Variants in OTUD7A observed in about 807,000 individuals in gnomAD.
OTUD7A encodes OTU deubiquitinase 7A.
A neutral mutation model predicts 65.7 loss-of-function variants in OTUD7A; 12 were observed. The ratio of observed to expected loss-of-function variants is 0.18; its 90% CI spans 0.12 to 0.30. The LOEUF (loss-of-function observed/expected upper bound fraction) is 0.30, where lower values mean the gene tolerates loss of function less well. Among genes scored for constraint, OTUD7A ranks in the 10% least tolerant of loss-of-function variants. The probability of loss-of-function intolerance (pLI) is 1.00; values close to 1 mark genes in which losing one functional copy is unlikely to be tolerated. For synonymous variants in OTUD7A, 641 were observed against 586.3 expected (o/e 1.09, Z -1.35); for missense variants, 1,148 against 1,304.8 (o/e 0.88, Z 1.85).
intron 6 of OTUD7A, among the ~76,000 whole-genome samples, chr15:31,528,021 C>T (rs1266967944): frequency 6.6e-6 from 1 of 152,262 alleles, no homozygotes; most frequent in African/African-American, 2.4e-5. Context: ...ATCCATCCAT[C>T]CATCCGTCCA....
chr15:31,756,271 C>T (rs965305741), intron 1 of OTUD7A, among the ~76,000 whole-genome samples: 1 of 152,138 alleles, frequency 6.6e-6, no homozygotes, highest in Non-Finnish European at 1.5e-5. Flanking sequence ...ACATTATTAC[C>T]ATTCATCATT....
intron 1 of OTUD7A, among the ~76,000 whole-genome samples, chr15:31,745,059 A>G (rs1430209356): frequency 6.6e-6 from 1 of 152,160 alleles, no homozygotes. Context: ...AGAAGACCTT[A>G]CAAAATAGAA....
chr15:31,541,542 G>C (rs1887987932), intron 5 of OTUD7A, among the ~76,000 whole-genome samples: 1 of 152,156 alleles, frequency 6.6e-6, no homozygotes, highest in Non-Finnish European at 1.5e-5. Context: ...AGATGAGCAG[G>C]AGGGCACAGA....
chr15:31,844,215 T>A (rs981743793), intron 1 of OTUD7A, among the ~76,000 whole-genome samples: 4 of 152,168 alleles, frequency 2.6e-5, no homozygotes, highest in Non-Finnish European at 4.4e-5. Flanking sequence ...GAATCAAGAA[T>A]CGCACACTGC....
At chr15:31,508,207 T>C (rs1445001110) in intron 8 of OTUD7A, among the ~76,000 whole-genome samples, 1 of 152,242 alleles carries the variant, frequency 6.6e-6, no homozygotes, top group Non-Finnish European at 1.5e-5. Context: ...TTGATTTTAG[T>C]ATAGTAACCT....
At chr15:31,765,979 T>G in intron 1 of OTUD7A, 1 of 1,490,654 alleles carries the variant, frequency 6.7e-7, no homozygotes, top group South Asian at 1.1e-5. Context: ...GAGGTAGAAA[T>G]TTTTTGCTCA....
chr15:31,627,382 T>C (rs1188165655), intron 3 of OTUD7A, among the ~76,000 whole-genome samples: 1 of 151,838 alleles, frequency 6.6e-6, no homozygotes, highest in Non-Finnish European at 1.5e-5. Context: ...AGAATGATGG[T>C]TTCCAGTTTC....
chr15:31,539,291 T>A (rs757307130), intron 5 of OTUD7A, among the ~76,000 whole-genome samples: 40 of 151,960 alleles, frequency 2.6e-4, no homozygotes, highest in Non-Finnish European at 5.6e-4. Flanking sequence ...CCCCTTCCTA[T>A]CCCTACAGAC....
At chr15:31,791,129 C>T (rs1382690417) in intron 1 of OTUD7A, among the ~76,000 whole-genome samples, 6 of 152,220 alleles carry the variant, frequency 3.9e-5, no homozygotes, top group South Asian at 4.2e-4. Flanking sequence ...TGGGTTCAAG[C>T]GATTCTCCTG....
At chr15:31,744,162 C>T (rs1248642299) in intron 1 of OTUD7A, among the ~76,000 whole-genome samples, 1 of 152,124 alleles carries the variant, frequency 6.6e-6, no homozygotes, top group African/African-American at 2.4e-5. Context: ...ACATAGATGA[C>T]TTCACTGGTG....
intron 1 of OTUD7A, among the ~76,000 whole-genome samples, chr15:31,666,947 C>G (rs1892337415): frequency 6.6e-6 from 1 of 152,108 alleles, no homozygotes; most frequent in Non-Finnish European, 1.5e-5. Flanking sequence ...TTTGAAGGTT[C>G]CTTTTGGAAT....
At chr15:31,779,666 G>A (rs1217162240) in intron 1 of OTUD7A, among the ~76,000 whole-genome samples, 1 of 152,082 alleles carries the variant, frequency 6.6e-6, no homozygotes, top group Non-Finnish European at 1.5e-5. Context: ...CACAGCTTCT[G>A]GCTCCTAGTG....
chr15:31,501,959 G>A, intron 9 of OTUD7A, 120 bp from the exon 10 acceptor site: 1 of 1,170,020 alleles, frequency 8.5e-7, no homozygotes, highest in African/African-American at 1.5e-5. Context: ...GGAGGGACAG[G>A]AGGGGTGGAT....
chr15:31,721,120 C>G (rs1893725911), intron 1 of OTUD7A, among the ~76,000 whole-genome samples: 1 of 152,234 alleles, frequency 6.6e-6, no homozygotes, highest in Non-Finnish European at 1.5e-5. Flanking sequence ...ACAAAATCAC[C>G]TAAACGTATT....
intron 1 of OTUD7A, among the ~76,000 whole-genome samples, chr15:31,802,101 ATATGTGTGTGTGTGTG>A (rs1237346298): frequency 2.6e-4 from 37 of 140,878 alleles, no homozygotes; most frequent in African/African-American, 8.8e-4. Flanking sequence ...GTGTGTGTAT[ATATGTGTGTGTGTGTG>A]TGTGTGTGTG....
chr15:31,703,732 G>A (rs1051754753), intron 1 of OTUD7A, among the ~76,000 whole-genome samples: 4 of 150,910 alleles, frequency 2.7e-5, no homozygotes, highest in African/African-American at 7.3e-5. Flanking sequence ...CTAGAGAAAT[G>A]GAGTCTTAAC....
intron 1 of OTUD7A, among the ~76,000 whole-genome samples, chr15:31,835,747 CAT>C (rs1897040474): frequency 1.3e-5 from 2 of 152,032 alleles, no homozygotes; most frequent in Non-Finnish European, 2.9e-5. Context: ...CATATATATA[CAT>C]ACACACATAC....
At chr15:31,756,684 A>G (rs934669868) in intron 1 of OTUD7A, among the ~76,000 whole-genome samples, 1 of 139,986 alleles carries the variant, frequency 7.1e-6, no homozygotes, top group Non-Finnish European at 1.5e-5. Flanking sequence ...ACACACACAC[A>G]CTGCTTTTAG....
At chr15:31,575,887 A>C (rs1889189684) in intron 3 of OTUD7A, among the ~76,000 whole-genome samples, 1 of 152,250 alleles carries the variant, frequency 6.6e-6, no homozygotes, top group Non-Finnish European at 1.5e-5. Context: ...TGAAATGAAC[A>C]CACATAAATA....
Sources: gnomAD v4.1 joint callset for allele counts (sites outside exome capture counted in the v4.1 genomes callset) on GRCh38, gnomAD v4.1.1 for gene constraint, MANE v1.5 for transcripts, NCBI Gene and HGNC (gene_info 2026-07-23, HGNC 2026-07-21) for gene names.